Variants in CERKL observed in about 807,000 individuals in gnomAD.
The protein encoded by CERKL is CERK like autophagy regulator.
Under a neutral mutation model 63.4 loss-of-function variants are expected in CERKL, and 61 were observed. The observed-to-expected ratio is 0.96, with a 90% CI of 0.78 to 1.19. The LOEUF is 1.19. Ranked by LOEUF, CERKL falls within the 50% of genes most tolerant of loss-of-function variation. The pLI is 0.00. For missense variants in CERKL, 675 were observed against 655.5 expected (o/e 1.03, Z -0.33); for synonymous variants, 250 against 230.5 (o/e 1.08, Z -0.77).
rs189363144 is a variant in CERKL at position 181,610,585 on chromosome 2, G to C, written c.239-6506C>G. Among the ~76,000 whole-genome samples the C allele has an allele frequency of 1.4e-4, 22 of 152,270 alleles. 1 individual carries two copies. The highest frequency in any genetic ancestry group is 7.2e-5 in the African/African-American group (3 of 41,538). Reference sequence around the variant, plus strand: ...AGTGAAATCTCTGTATTCTGGTCTGGAAAGACATTCATGCTAAGAGGTATG... The same window carrying C: ...AGTGAAATCTCTGTATTCTGGTCTGCAAAGACATTCATGCTAAGAGGTATG... On this transcript the variant is annotated intron_variant, in intron 1 of 12. Transcript: ENST00000410087.
chr2:181,547,495 T>C, intron 10 of CERKL, 123 bp downstream of exon 10: 1 of 745,696 alleles, frequency 1.3e-6, no homozygotes, highest in Admixed American at 2.0e-5. Flanking sequence ...TCCCTTAGAA[T>C]CTCTAATATA....
chr2:181,620,058 A>ATTAATT, intron 1 of CERKL, among the ~76,000 whole-genome samples: 1 of 152,206 alleles, frequency 6.6e-6, no homozygotes, highest in East Asian at 1.9e-4. Flanking sequence ...AGTGTAACTG[A>ATTAATT]ACCTCCATGG....
At chr2:181,616,502 G>A (rs562918737) in intron 1 of CERKL, among the ~76,000 whole-genome samples, 125 of 152,114 alleles carry the variant, frequency 8.2e-4, no homozygotes, top group South Asian at 2.7e-3. Context: ...GTGAGCCACC[G>A]CACCCAGCCT....
intron 1 of CERKL, among the ~76,000 whole-genome samples, chr2:181,645,713 G>A (rs993395417): frequency 1.8e-4 from 27 of 152,164 alleles, no homozygotes; most frequent in African/African-American, 6.3e-4. Context: ...CTTAAAAATG[G>A]TATCACCTGC....
intron 1 of CERKL, among the ~76,000 whole-genome samples, chr2:181,623,416 C>A (rs977757185): frequency 6.6e-6 from 1 of 152,136 alleles, no homozygotes; most frequent in Non-Finnish European, 1.5e-5. Context: ...TTTCACATAT[C>A]CCTAATACTA....
In CERKL at chr2:181,554,463, T is replaced by C. The variant is rs954062469; in HGVS notation, c.820+4103A>G. On this transcript the variant is annotated intron_variant, in intron 5 of 12. Coordinates refer to ENST00000410087, the MANE Select transcript of CERKL (RefSeq NM_201548.5). ...TATTTATGCAAACTCTATAGGAATA[T>C]ATGGTTCACAGCCATCAGTATGTGG... Among the ~76,000 whole-genome samples, 10 of 152,282 alleles carry C rather than the reference T, an allele frequency of 6.6e-5. No individual in the cohort carries two copies. The East Asian group carries it at 1.7e-3, about 26-fold the overall frequency.
At chr2:181,652,264 A>G (rs1296458151) in intron 1 of CERKL, among the ~76,000 whole-genome samples, 4 of 152,196 alleles carry the variant, frequency 2.6e-5, no homozygotes, top group East Asian at 1.9e-4. Context: ...CGATAAAACT[A>G]TATCAACACA....
intron 1 of CERKL, 22 bp from the exon 2 acceptor site, chr2:181,604,101 C>T: frequency 6.4e-7 from 1 of 1,563,994 alleles, no homozygotes; most frequent in South Asian, 1.1e-5. Context: ...ATAAATTTTC[C>T]AATTAAAACC....
chr2:181,543,728 T>TA (rs1214910427), intron 11 of CERKL, among the ~76,000 whole-genome samples: 1 of 152,152 alleles, frequency 6.6e-6, no homozygotes, highest in African/African-American at 2.4e-5. Flanking sequence ...CTCACGCCTG[T>TA]AATCCCAGCA....
At chr2:181,655,281 C>CT (rs1202105430) in intron 1 of CERKL, among the ~76,000 whole-genome samples, 8 of 152,146 alleles carry the variant, frequency 5.3e-5, no homozygotes, top group Admixed American at 2.0e-4. Context: ...TCATTGTTTG[C>CT]TTTTTTTGTA....
rs185864228 is a variant in CERKL at position 181,655,800 on chromosome 2, C to T, written c.238+969G>A. On this transcript the variant is annotated intron_variant, in intron 1 of 12. Coordinates refer to ENST00000410087, the MANE Select transcript of CERKL (RefSeq NM_201548.5). ...AAAGAGGTTGAATACCAAATTCCAT[C>T]TCCCCCAAGTCATCTCCTCGCAAGT... 2.9e-4 allele frequency among the ~76,000 whole-genome samples: 44 copies of T among 152,314 alleles called. 2 individuals carry two copies. The East Asian group carries it at 8.1e-3, about 28-fold the overall frequency.
intron 2 of CERKL, among the ~76,000 whole-genome samples, chr2:181,574,126 T>C (rs1282101072): frequency 2.6e-5 from 4 of 152,202 alleles, no homozygotes; most frequent in South Asian, 4.1e-4. Flanking sequence ...ATTTAATTTA[T>C]GAAGGAAGAT....
intron 4 of CERKL, among the ~76,000 whole-genome samples, chr2:181,559,991 A>G (rs12693280): frequency 0.77 from 116,542 of 152,128 alleles, 45,293 homozygotes; most frequent in South Asian, 0.89. Context: ...GGTTCGCAAT[A>G]TGACCACCTA....
At position 181,536,995 on chromosome 2, in the gene CERKL, G is replaced by A. The variant is rs1316412665; in HGVS notation, c.*1189C>T. 1 of 450,228 alleles carries A rather than the reference G, an allele frequency of 2.2e-6. No individual in the cohort carries two copies. Among genetic ancestry groups the A allele is most frequent in the African/African-American group, 2.0e-5 (1 of 49,818 alleles). 27.9% of individuals were successfully genotyped at this position (450,228 alleles called of 1,614,324 possible). On this transcript the variant is annotated 3_prime_UTR_variant, in exon 13 of 13. Coordinates refer to ENST00000410087, the MANE Select transcript of CERKL (RefSeq NM_201548.5). ...AATTGATGAAAGTTATCTGTTCACA[G>A]GCCTGCAGTGATGGTGAGGAATGTT...
At position 181,565,418 on chromosome 2, in the gene CERKL, A is replaced by G; in HGVS notation, c.677+640T>C. 1.3e-5 allele frequency: 20 copies of G among 1,599,590 alleles called. No homozygotes were observed. The highest frequency in any genetic ancestry group is 1.7e-5 in the Non-Finnish European group (20 of 1,167,486). On this transcript the variant is annotated intron_variant, in intron 4 of 12. Coordinates refer to ENST00000410087, the MANE Select transcript of CERKL (RefSeq NM_201548.5). ...CCTAATTTTAAAAAATGGCAATGAA[A>G]TTTATATCACTTGCCTTGGTTCTAA...
chr2:181,540,429 ACCTGTGAATGTCC>A (rs1254234160), intron 11 of CERKL, among the ~76,000 whole-genome samples: 1 of 152,212 alleles, frequency 6.6e-6, no homozygotes, highest in Non-Finnish European at 1.5e-5. Flanking sequence ...AACCCCTGGT[ACCTGTGAATGTCC>A]CCTGTTTAGA....
intron 1 of CERKL, among the ~76,000 whole-genome samples, chr2:181,618,118 AGAGT>A (rs1344760190): frequency 6.6e-6 from 1 of 152,188 alleles, no homozygotes; most frequent in Non-Finnish European, 1.5e-5. Flanking sequence ...GAGACTCAAG[AGAGT>A]GAGAAGGGGG....
intron 1 of CERKL, among the ~76,000 whole-genome samples, chr2:181,642,788 T>C (rs537411883): frequency 1.4e-4 from 22 of 152,340 alleles, no homozygotes; most frequent in Middle Eastern, 3.4e-3. Context: ...AAGCATTGTA[T>C]AAAATCTTTA....
intron 1 of CERKL, among the ~76,000 whole-genome samples, chr2:181,621,486 A>T (rs1308152231): frequency 4.6e-5 from 7 of 152,216 alleles, no homozygotes; most frequent in African/African-American, 1.4e-4. Flanking sequence ...ATTGATTCAA[A>T]GAGTCTGATA....
Sources: gnomAD v4.1 joint callset for allele counts (sites outside exome capture counted in the v4.1 genomes callset) on GRCh38, gnomAD v4.1.1 for gene constraint, MANE v1.5 for transcripts, NCBI Gene and HGNC (gene_info 2026-07-23, HGNC 2026-07-21) for gene names.